SLC10A7: variants seen among roughly 807,000 people sequenced by gnomAD.
SLC10A7 encodes sodium/bile acid cotransporter 7.
Under a neutral mutation model 43.2 loss-of-function variants are expected in SLC10A7, and 29 were observed. That is an observed-to-expected ratio of 0.67 (90% CI 0.50 to 0.92). The LOEUF is 0.92. Ranked by LOEUF, SLC10A7 falls within the 40% of genes least tolerant of loss-of-function variation. The pLI is 0.00. For missense variants in SLC10A7, 295 were observed against 403.2 expected (o/e 0.73, Z 2.30); for synonymous variants, 152 against 144.8 (o/e 1.05, Z -0.35).
chr4:146,371,110 T>C (rs1736745915), intron 5 of SLC10A7, among the ~76,000 whole-genome samples: 1 of 152,188 alleles, frequency 6.6e-6, no homozygotes, highest in Non-Finnish European at 1.5e-5. Flanking sequence ...CCACAGGGAA[T>C]TCACAACTCA....
chr4:146,391,635 T>C (rs1426705349), intron 5 of SLC10A7, among the ~76,000 whole-genome samples: 2 of 152,218 alleles, frequency 1.3e-5, no homozygotes, highest in African/African-American at 4.8e-5. Flanking sequence ...AAGTCTTGTC[T>C]TCTCAAGGTC....
At chr4:146,349,915 T>C (rs1734907461) in intron 5 of SLC10A7, among the ~76,000 whole-genome samples, 1 of 152,138 alleles carries the variant, frequency 6.6e-6, no homozygotes, top group Non-Finnish European at 1.5e-5. Flanking sequence ...AGATCATTCA[T>C]ATCCCAAACC....
chr4:146,467,369 T>C (rs1158154664), intron 4 of SLC10A7, among the ~76,000 whole-genome samples: 1 of 151,768 alleles, frequency 6.6e-6, no homozygotes, highest in Non-Finnish European at 1.5e-5. Context: ...AGGGACTAGT[T>C]AAGCTAGCTA....
At chr4:146,506,721 C>A (rs577622425) in intron 3 of SLC10A7, among the ~76,000 whole-genome samples, 8 of 152,122 alleles carry the variant, frequency 5.3e-5, no homozygotes, top group African/African-American at 1.9e-4. Flanking sequence ...TGTTTTAAAC[C>A]AGTCATTCTG....
intron 4 of SLC10A7, among the ~76,000 whole-genome samples, chr4:146,494,455 G>T (rs1276456553): frequency 6.6e-6 from 1 of 152,154 alleles, no homozygotes; most frequent in Non-Finnish European, 1.5e-5. Context: ...GGGTCATATG[G>T]CTTTAGCTAT....
intron 6 of SLC10A7, among the ~76,000 whole-genome samples, chr4:146,316,453 T>C (rs1442025097): frequency 6.6e-6 from 1 of 152,086 alleles, no homozygotes; most frequent in African/African-American, 2.4e-5. Context: ...AGAGCTGCCT[T>C]GCCCTTTCCA....
At chr4:146,439,087 A>C (rs1008452058) in intron 5 of SLC10A7, among the ~76,000 whole-genome samples, 1 of 152,056 alleles carries the variant, frequency 6.6e-6, no homozygotes, top group African/African-American at 2.4e-5. Flanking sequence ...GGAGATAATG[A>C]CATTAACTGC....
intron 5 of SLC10A7, among the ~76,000 whole-genome samples, chr4:146,375,698 T>C (rs1737145608): frequency 6.6e-6 from 1 of 152,178 alleles, no homozygotes; most frequent in Non-Finnish European, 1.5e-5. Context: ...AGAAAAACCC[T>C]AGTGTTTTTC....
rs528489296 is a variant in SLC10A7 at position 146,340,015 on chromosome 4, G to C, written c.436-14019C>G. ...GACAGGTCCCGGTGTGTGATAACAT[G>C]TTTATTTTTATTAAATATCAGTAGT... On this transcript the variant is annotated intron_variant, in intron 5 of 11. Coordinates refer to ENST00000335472, the MANE Select transcript of SLC10A7 (RefSeq NM_001029998.6). 2.2e-3 allele frequency among the ~76,000 whole-genome samples: 332 copies of C among 150,866 alleles called. 1 individual carries two copies. The highest frequency in any genetic ancestry group is 3.4e-3 in the Non-Finnish European group (229 of 67,640).
At chr4:146,361,471 G>C (rs1736043126) in intron 5 of SLC10A7, among the ~76,000 whole-genome samples, 1 of 152,116 alleles carries the variant, frequency 6.6e-6, no homozygotes, top group Non-Finnish European at 1.5e-5. Context: ...CCACAAGTCT[G>C]CCAGGGTCAT....
intron 5 of SLC10A7, among the ~76,000 whole-genome samples, chr4:146,373,283 G>A (rs564410173): frequency 3.9e-5 from 6 of 152,040 alleles, no homozygotes; most frequent in Admixed American, 2.0e-4. Context: ...GATCAGCCTG[G>A]GCAACATGGC....
chr4:146,449,905 A>G (rs1037341451), intron 4 of SLC10A7, among the ~76,000 whole-genome samples: 6 of 152,186 alleles, frequency 3.9e-5, no homozygotes, highest in Admixed American at 6.5e-5. Context: ...CTAATTACCA[A>G]AGATATGACT....
At chr4:146,266,320 C>T (rs745680099) in intron 10 of SLC10A7, among the ~76,000 whole-genome samples, 21 of 152,078 alleles carry the variant, frequency 1.4e-4, no homozygotes, top group Non-Finnish European at 3.1e-4. Flanking sequence ...AAGCACAGTG[C>T]AATCCAGGAG....
chr4:146,309,699 C>G (rs1731829187), intron 6 of SLC10A7, among the ~76,000 whole-genome samples: 1 of 152,182 alleles, frequency 6.6e-6, no homozygotes, highest in Non-Finnish European at 1.5e-5. Flanking sequence ...CTACTTAGTT[C>G]ACAGACCCAA....
chr4:146,301,856 C>T (rs549381775), intron 7 of SLC10A7, among the ~76,000 whole-genome samples: 15 of 151,704 alleles, frequency 9.9e-5, no homozygotes, highest in East Asian at 5.8e-4. Context: ...GGTTTCTCCT[C>T]GAAAAGAGTC....
chr4:146,280,485 T>C (rs1250439302), intron 10 of SLC10A7, among the ~76,000 whole-genome samples: 1 of 152,124 alleles, frequency 6.6e-6, no homozygotes, highest in Non-Finnish European at 1.5e-5. Context: ...TCCACTCAAT[T>C]TTGCTGTGAG....
At chr4:146,256,809 G>A in intron 11 of SLC10A7, 2 of 1,501,918 alleles carry the variant, frequency 1.3e-6, no homozygotes, top group Non-Finnish European at 1.8e-6. Context: ...CAAAGCAGAG[G>A]AGGCACTCAT....
intron 5 of SLC10A7, among the ~76,000 whole-genome samples, chr4:146,430,849 G>C (rs1435362874): frequency 6.6e-6 from 1 of 152,076 alleles, no homozygotes; most frequent in Non-Finnish European, 1.5e-5. Context: ...GTTTATATTA[G>C]TAGAATTTTT....
At chr4:146,515,446 G>T (rs1737858267) in intron 2 of SLC10A7, among the ~76,000 whole-genome samples, 1 of 152,082 alleles carries the variant, frequency 6.6e-6, no homozygotes, top group African/African-American at 2.4e-5. Context: ...AGTAATTATG[G>T]TCCTCTCATA....
Sources: gnomAD v4.1 joint callset for allele counts (sites outside exome capture counted in the v4.1 genomes callset) on GRCh38, gnomAD v4.1.1 for gene constraint, MANE v1.5 for transcripts, NCBI Gene and HGNC (gene_info 2026-07-23, HGNC 2026-07-21) for gene names.